PSD3: variants seen among roughly 807,000 people sequenced by gnomAD.
PSD3 encodes the protein pleckstrin and Sec7 domain containing 3, also known as PH and SEC7 domain-containing protein 3.
Under a neutral mutation model 105.5 loss-of-function variants are expected in PSD3, and 49 were observed. The ratio of observed to expected loss-of-function variants is 0.46; its 90% CI spans 0.37 to 0.59. The LOEUF (loss-of-function observed/expected upper bound fraction) is 0.59, where lower values mean the gene tolerates loss of function less well. PSD3 is among the 20% of genes least tolerant of loss of function. The pLI is 0.00. For missense variants in PSD3, 1,561 were observed against 1,263.8 expected (o/e 1.24, Z -3.57); for synonymous variants, 557 against 457.8 (o/e 1.22, Z -2.77).
At chr8:18,812,484 C>T (rs1452545966) in intron 4 of PSD3, among the ~76,000 whole-genome samples, 3 of 152,056 alleles carry the variant, frequency 2.0e-5, no homozygotes, top group Non-Finnish European at 4.4e-5. Flanking sequence ...AGCAGGGTGA[C>T]CAGTCAGGGG....
At chr8:18,719,376 T>C (rs923403035) in intron 9 of PSD3, among the ~76,000 whole-genome samples, 5 of 152,190 alleles carry the variant, frequency 3.3e-5, no homozygotes, top group African/African-American at 1.2e-4. Flanking sequence ...TTCCATGTTT[T>C]AGAGAACTCC....
intron 4 of PSD3, among the ~76,000 whole-genome samples, chr8:18,837,389 C>T (rs961154452): frequency 3.9e-5 from 6 of 152,104 alleles, no homozygotes; most frequent in Non-Finnish European, 7.4e-5. Context: ...TCCAAGTAAA[C>T]GTCACTTAAA....
intron 4 of PSD3, among the ~76,000 whole-genome samples, chr8:18,857,630 T>C (rs1816123442): frequency 6.6e-6 from 1 of 152,222 alleles, no homozygotes; most frequent in Non-Finnish European, 1.5e-5. Context: ...ACTCAAGCTT[T>C]GCTCCATGGA....
chr8:18,951,346 G>A (rs950728300), intron 1 of PSD3, among the ~76,000 whole-genome samples: 2 of 152,150 alleles, frequency 1.3e-5, no homozygotes, highest in Non-Finnish European at 2.9e-5. Flanking sequence ...AGGCTACAGT[G>A]AGGTATGATC....
intron 4 of PSD3, among the ~76,000 whole-genome samples, chr8:18,829,657 C>A (rs1813520034): frequency 6.6e-6 from 1 of 152,230 alleles, no homozygotes; most frequent in South Asian, 2.1e-4. Context: ...CTGCAAGGCT[C>A]AAATCAGATG....
At chr8:18,835,160 A>G (rs1299862998) in intron 4 of PSD3, among the ~76,000 whole-genome samples, 2 of 152,248 alleles carry the variant, frequency 1.3e-5, no homozygotes, top group African/African-American at 2.4e-5. Context: ...AACAACTCTT[A>G]AAATATGCAT....
At chr8:18,915,843 C>T (rs1820545769) in intron 2 of PSD3, among the ~76,000 whole-genome samples, 1 of 152,042 alleles carries the variant, frequency 6.6e-6, no homozygotes, top group Admixed American at 6.6e-5. Context: ...GCCTCTAATC[C>T]CAGCACTTTG....
intron 12 of PSD3, among the ~76,000 whole-genome samples, chr8:18,594,532 G>A (rs776541922): frequency 5.2e-4 from 76 of 145,240 alleles, no homozygotes; most frequent in Non-Finnish European, 1.0e-3. Flanking sequence ...ATCACTGCTG[G>A]ACTTGCCTTA....
upstream of PSD3, among the ~76,000 whole-genome samples, chr8:19,016,350 T>A (rs906948135): frequency 7.9e-5 from 12 of 152,178 alleles, no homozygotes; most frequent in African/African-American, 2.7e-4. Flanking sequence ...GGCAAGACAT[T>A]ATATACTGCA....
At chr8:18,747,516 A>C (rs561640764) in intron 9 of PSD3, among the ~76,000 whole-genome samples, 3 of 152,358 alleles carry the variant, frequency 2.0e-5, no homozygotes, top group African/African-American at 7.2e-5. Flanking sequence ...ATCTTTCTGA[A>C]TTATCAGAAA....
At position 18,894,340 on chromosome 8, in the gene PSD3, A is replaced by G. The variant is rs113795904; in HGVS notation, c.131-21607T>C. On this transcript the variant is annotated intron_variant, in intron 2 of 15. Transcript: ENST00000327040. Reference sequence around the variant, plus strand: ...AAGTCACATGAAGCGGCACATGAAAACCTCAAAATGACTAAATATAAGGCT... The same window carrying G: ...AAGTCACATGAAGCGGCACATGAAAGCCTCAAAATGACTAAATATAAGGCT... Among the ~76,000 whole-genome samples the G allele has an allele frequency of 7.1e-3, 1,075 of 152,236 alleles. 13 individuals are homozygous for G. The highest frequency in any genetic ancestry group is 0.025 in the African/African-American group (1,032 of 41,528).
chr8:18,964,123 T>TTTTG (rs556523740), intron 1 of PSD3, among the ~76,000 whole-genome samples: 5 of 152,276 alleles, frequency 3.3e-5, no homozygotes, highest in South Asian at 2.1e-4. Context: ...CTCGGGTTTT[T>TTTTG]TTTGTTTGTT....
chr8:18,638,151 T>A (rs1290066602), intron 10 of PSD3, among the ~76,000 whole-genome samples: 1 of 109,698 alleles, frequency 9.1e-6, no homozygotes, highest in African/African-American at 3.9e-5. Flanking sequence ...CGAGATTCCA[T>A]CTCAAAAAAA....
At chr8:18,771,740 C>T (rs930821939) in intron 8 of PSD3, among the ~76,000 whole-genome samples, 3 of 152,180 alleles carry the variant, frequency 2.0e-5, no homozygotes, top group African/African-American at 7.2e-5. Flanking sequence ...ATTACTGAAG[C>T]TTTGCACTGA....
At chr8:19,050,387 G>A (rs1395363409) in intron 1 of PSD3, among the ~76,000 whole-genome samples, 6 of 152,086 alleles carry the variant, frequency 3.9e-5, no homozygotes, top group African/African-American at 9.7e-5. Context: ...ACATGCACAC[G>A]TATGTTTATT....
chr8:18,893,961 C>G (rs1563392983), intron 2 of PSD3, among the ~76,000 whole-genome samples: 1 of 152,186 alleles, frequency 6.6e-6, no homozygotes, highest in Non-Finnish European at 1.5e-5. Context: ...CTCTGCCTTT[C>G]AAAATGCAAG....
In PSD3 at chr8:19,005,546, T is replaced by C. The variant is rs142146357; in HGVS notation, c.21+8017A>G. ...CTCAGACTAGAGCACAGCGATGCAA[T>C]CACGACACACTGCATGCAGCCTCAA... is the stretch of plus-strand genomic sequence containing the variant. On this transcript the variant is annotated intron_variant, in intron 1 of 15. Coordinates refer to ENST00000327040, the MANE Select transcript of PSD3 (RefSeq NM_015310.4). Among the ~76,000 whole-genome samples, 380 of 151,990 alleles carry C rather than the reference T, an allele frequency of 2.5e-3. 1 individual carries two copies. The highest frequency in any genetic ancestry group is 8.5e-3 in the African/African-American group (353 of 41,508).
At chr8:19,017,216 C>A (rs1827206665), upstream of PSD3, among the ~76,000 whole-genome samples, 1 of 151,896 alleles carries the variant, frequency 6.6e-6, no homozygotes, top group African/African-American at 2.4e-5. Context: ...CCAGACCCAG[C>A]TAACTTTACA....
Position 18,529,857 on chromosome 8 carries a change from A to C in PSD3, c.*5886T>G, listed in dbSNP as rs1371119562. On this transcript the variant is annotated 3_prime_UTR_variant, in exon 16 of 16. Coordinates refer to ENST00000327040, the MANE Select transcript of PSD3 (RefSeq NM_015310.4). ...TCTGCAGATCACAATAATTCTTAGA[A>C]GGAAATACTCTCGCAAAACTAAGAC... The C allele has an allele frequency of 6.6e-6, 1 of 152,586 alleles. No homozygotes were observed. Among genetic ancestry groups the C allele is most frequent in the Admixed American group, 6.5e-5 (1 of 15,280 alleles). 9.5% of individuals were successfully genotyped at this position (152,586 alleles called of 1,614,324 possible).
Sources: gnomAD v4.1 joint callset for allele counts (sites outside exome capture counted in the v4.1 genomes callset) on GRCh38, gnomAD v4.1.1 for gene constraint, MANE v1.5 for transcripts, NCBI Gene and HGNC (gene_info 2026-07-23, HGNC 2026-07-21) for gene names.